Variants in PID1 observed in about 807,000 individuals in gnomAD.
PID1 encodes the protein PTB-containing, cubilin and LRP1-interacting protein.
Under a neutral mutation model 19.1 loss-of-function variants are expected in PID1, and 10 were observed. The observed-to-expected ratio is 0.52, with a 90% CI of 0.32 to 0.89. The LOEUF (loss-of-function observed/expected upper bound fraction) is 0.89. PID1 is among the 40% of genes least tolerant of loss of function. PID1 has a pLI of 0.03. For missense variants in PID1, 248 were observed against 285.3 expected (o/e 0.87, Z 0.94); for synonymous variants, 130 against 116.0 (o/e 1.12, Z -0.78).
At chr2:229,145,055 C>T (rs1690096785) in intron 2 of PID1, among the ~76,000 whole-genome samples, 1 of 151,026 alleles carries the variant, frequency 6.6e-6, no homozygotes, top group Non-Finnish European at 1.5e-5. Context: ...CTTGTTCTCA[C>T]ATTTGGTTCC....
intron 2 of PID1, among the ~76,000 whole-genome samples, chr2:229,144,602 T>A (rs1295067176): frequency 1.3e-5 from 2 of 152,126 alleles, no homozygotes; most frequent in Non-Finnish European, 2.9e-5. Flanking sequence ...GTAACTATAC[T>A]AGCAAAACGG....
At chr2:229,139,063 G>GAA (rs1411794265) in intron 2 of PID1, among the ~76,000 whole-genome samples, 1 of 44,174 alleles carries the variant, frequency 2.3e-5, no homozygotes, top group Non-Finnish European at 4.2e-5. Flanking sequence ...GAAAGAGAAA[G>GAA]AAAGAAAGAA....
At chr2:229,105,776 T>A (rs1041074314) in intron 2 of PID1, among the ~76,000 whole-genome samples, 4 of 152,162 alleles carry the variant, frequency 2.6e-5, no homozygotes, top group Admixed American at 1.3e-4. Flanking sequence ...TTTGCCCCAA[T>A]CAATATTACT....
chr2:229,073,419 C>A (rs1694497148), intron 2 of PID1, among the ~76,000 whole-genome samples: 1 of 152,152 alleles, frequency 6.6e-6, no homozygotes, highest in Non-Finnish European at 1.5e-5. Context: ...TAAGCTTCAT[C>A]AAAAAATGAG....
chr2:229,219,648 C>T (rs1691922381), intron 1 of PID1, among the ~76,000 whole-genome samples: 1 of 152,118 alleles, frequency 6.6e-6, no homozygotes, highest in Admixed American at 6.6e-5. Flanking sequence ...ATCCTCCCAC[C>T]TCAGCCTCCC....
At position 229,268,333 on chromosome 2, in the gene PID1, T is replaced by C. The variant is rs533810850; in HGVS notation, c.30+2681A>G. The stretch of plus-strand genomic sequence containing the variant: ...GCCATTTCCTGAGCAACGGAGCCAG[T>C]TGCTACACTCAAAAGTCCATTATTT... On this transcript the variant is annotated intron_variant, in intron 1 of 2. Coordinates refer to ENST00000392055, the MANE Select transcript of PID1 (RefSeq NM_001100818.2). Among the ~76,000 whole-genome samples the C allele has an allele frequency of 9.8e-5, 15 of 152,302 alleles. No individual in the cohort carries two copies. In the East Asian group the frequency reaches 2.3e-3, roughly 24 times the overall value.
chr2:229,070,886 G>A (rs1355052356), intron 2 of PID1, among the ~76,000 whole-genome samples: 2 of 152,122 alleles, frequency 1.3e-5, no homozygotes, highest in African/African-American at 4.8e-5. Context: ...AGTTATGAAT[G>A]ATCAAACATC....
chr2:229,029,637 C>T (rs959789372), intron 2 of PID1, among the ~76,000 whole-genome samples: 5 of 151,728 alleles, frequency 3.3e-5, no homozygotes, highest in South Asian at 2.1e-4. Context: ...GTCAGGAGTT[C>T]GAGACCAGCC....
intron 1 of PID1, among the ~76,000 whole-genome samples, chr2:229,191,496 T>G (rs559348788): frequency 6.6e-6 from 1 of 152,312 alleles, no homozygotes; most frequent in Admixed American, 6.5e-5. Flanking sequence ...CATGAAGTGA[T>G]ACATCCATCA....
chr2:229,058,497 G>A (rs1045913628), intron 2 of PID1, among the ~76,000 whole-genome samples: 6 of 152,130 alleles, frequency 3.9e-5, no homozygotes, highest in African/African-American at 9.7e-5. Flanking sequence ...TGGTTATACC[G>A]TGAAGATGTC....
Position 229,024,636 on chromosome 2 carries a change from G to A in PID1, c.*996C>T, listed in dbSNP as rs550816951. 3 of 152,704 alleles carry A rather than the reference G, an allele frequency of 2.0e-5. No homozygotes were observed. The East Asian group carries it at 5.8e-4, about 30-fold the overall frequency. 9.5% of individuals were successfully genotyped at this position (152,704 alleles called of 1,614,324 possible). On this transcript the variant is annotated 3_prime_UTR_variant, in exon 3 of 3. Transcript: ENST00000392055. ...GAGTGATGGGGGCAAGGTTTCCTCG[G>A]TGATACCAAATCAGATTTGAAGCTT...
intron 2 of PID1, among the ~76,000 whole-genome samples, chr2:229,065,673 G>A (rs926474905): frequency 1.3e-5 from 1 of 74,104 alleles, no homozygotes; most frequent in Non-Finnish European, 2.6e-5. Flanking sequence ...TCATTGTATT[G>A]TTTTAAACTA....
chr2:229,186,292 G>A (rs532714751), intron 1 of PID1, among the ~76,000 whole-genome samples: 24 of 152,214 alleles, frequency 1.6e-4, no homozygotes, highest in Non-Finnish European at 2.4e-4. Context: ...CCAGGTGCAC[G>A]ATACAAGCTG....
At chr2:229,031,466 G>T (rs760639242) in intron 2 of PID1, among the ~76,000 whole-genome samples, 3 of 151,836 alleles carry the variant, frequency 2.0e-5, no homozygotes, top group African/African-American at 4.8e-5. Flanking sequence ...CTGAGCAGGA[G>T]AACTGCTTGA....
intron 2 of PID1, among the ~76,000 whole-genome samples, chr2:229,065,882 G>A (rs1394607444): frequency 6.6e-6 from 1 of 152,108 alleles, no homozygotes; most frequent in Non-Finnish European, 1.5e-5. Flanking sequence ...AGTAGTGGAT[G>A]AAAATAATTT....
At chr2:229,039,118 G>A (rs1345441559) in intron 2 of PID1, among the ~76,000 whole-genome samples, 1 of 152,192 alleles carries the variant, frequency 6.6e-6, no homozygotes, top group Non-Finnish European at 1.5e-5. Context: ...CAGCGAGAAA[G>A]GACTGAGGGT....
chr2:229,130,581 C>T (rs1279354180), intron 2 of PID1, among the ~76,000 whole-genome samples: 1 of 152,188 alleles, frequency 6.6e-6, no homozygotes, highest in East Asian at 1.9e-4. Flanking sequence ...CAGGCAGTTT[C>T]ATGGGTCTAG....
At chr2:229,053,543 G>C (rs1409673734) in intron 2 of PID1, among the ~76,000 whole-genome samples, 1 of 152,114 alleles carries the variant, frequency 6.6e-6, no homozygotes, top group Admixed American at 6.5e-5. Flanking sequence ...GCCAACCCCA[G>C]GGGCTGCATG....
intron 2 of PID1, among the ~76,000 whole-genome samples, chr2:229,071,891 A>G (rs1423042917): frequency 1.3e-5 from 2 of 152,254 alleles, no homozygotes; most frequent in Non-Finnish European, 2.9e-5. Flanking sequence ...ATTTCTAAAC[A>G]TATTTTCTCA....
Sources: allele counts gnomAD v4.1 joint callset (sites outside exome capture counted in the v4.1 genomes callset), GRCh38; gene constraint gnomAD v4.1.1; transcripts MANE v1.5; gene names NCBI Gene and HGNC (gene_info 2026-07-23, HGNC 2026-07-21).